The following DNAH14 variants were observed in gnomAD, a reference collection of about 807,000 sequenced individuals.
The protein encoded by DNAH14 is axonemal beta dynein heavy chain 14.
A neutral mutation model predicts 520.9 loss-of-function variants in DNAH14; 478 were observed. The ratio of observed to expected loss-of-function variants is 0.92; its 90% CI spans 0.85 to 0.99. The LOEUF (loss-of-function observed/expected upper bound fraction) is 0.99. Among genes scored for constraint, DNAH14 ranks in the 50% least tolerant of loss-of-function variants. DNAH14 has a pLI of 0.00. For synonymous variants in DNAH14, 1,581 were observed against 1,757.2 expected (o/e 0.90, Z 2.51); for missense variants, 4,831 against 5,234.5 (o/e 0.92, Z 2.38).
chr1:225,042,897 A>G lies in DNAH14; in HGVS notation c.1551A>G (p.Val517=), dbSNP rs1371348572. Residue 517 remains valine, a synonymous_variant, in exon 13 of 86, where the codon GTA becomes GTG. Coordinates refer to ENST00000682510, the MANE Select transcript of DNAH14 (RefSeq NM_001367479.1). ...LRKTYAPIFE[V]NLCLRIPAES... The stretch of plus-strand genomic sequence containing the variant: ...AAACATATGCACCAATATTTGAAGT[A>G]AATCTATGCTTGAGAATTCCTGCTG... 2 of 1,551,576 alleles carry G rather than the reference A, an allele frequency of 1.3e-6. No homozygotes were observed. The highest frequency in any genetic ancestry group is 1.7e-6 in the Non-Finnish European group (2 of 1,146,990).
rs938455407 is a variant in DNAH14, at chr1:225,038,921, C to A, written c.1488+98C>A. 5.4e-6 allele frequency: 6 copies of A among 1,101,614 alleles called. No homozygotes were observed. The African/African-American group carries it at 9.8e-5, about 18-fold the overall frequency. The allele number at this position is 1,101,614 out of a possible 1,614,324, so 68.2% of individuals were successfully genotyped here. ...TGATTTATGATTAATACCCACAAGC[C>A]CTTACCCAACATACCCTCGCCAACA... On this transcript the variant is annotated intron_variant, in intron 12 of 85. Coordinates refer to ENST00000682510, the MANE Select transcript of DNAH14 (RefSeq NM_001367479.1).
At chr1:225,305,912 A>T (rs1304479447) in intron 58 of DNAH14, among the ~76,000 whole-genome samples, 1 of 152,232 alleles carries the variant, frequency 6.6e-6, no homozygotes, top group Admixed American at 6.5e-5. Flanking sequence ...GGAACACTGC[A>T]TGAGAGTGAT....
At chr1:224,955,149 G>A in intron 3 of DNAH14, 51 bp downstream of exon 3, 1 of 1,562,490 alleles carries the variant, frequency 6.4e-7, no homozygotes, top group East Asian at 2.3e-5. Context: ...TTTAGTTTAT[G>A]GAAATTGAAA....
chr1:225,147,333 C>A, intron 31 of DNAH14, 84 bp downstream of exon 31: 1 of 1,349,144 alleles, frequency 7.4e-7, no homozygotes, highest in South Asian at 2.0e-5. Context: ...AATATTTTCC[C>A]CAATAAGTGT....
rs2095483829 is a variant in DNAH14, at chr1:225,360,762, G to A, written c.11858G>A (p.Gly3953Asp). ...TTHHVTIISL[G>D]RDQAAKAEDL... ...CATCATGTGACCATAATTTCTCTGG[G>A]CCGTGACCAAGCAGCTAAAGCTGAA... is the stretch of plus-strand genomic sequence containing the variant. The change falls in exon 75 of 86, where the codon GGC becomes GAC. Residue 3953 changes from glycine to aspartate, a missense_variant. Coordinates refer to ENST00000682510, the MANE Select transcript of DNAH14 (RefSeq NM_001367479.1). 1.3e-6 allele frequency: 2 copies of A among 1,551,560 alleles called. No homozygotes were observed. Among genetic ancestry groups the A allele is most frequent in the Non-Finnish European group, 1.7e-6 (2 of 1,146,988 alleles).
At chr1:225,039,749 G>A (rs1157721121) in intron 12 of DNAH14, among the ~76,000 whole-genome samples, 1 of 148,846 alleles carries the variant, frequency 6.7e-6, no homozygotes, top group Admixed American at 6.7e-5. Context: ...GTAGTGGCGG[G>A]CGCCTGTAGT....
In DNAH14 at chr1:225,335,368, CAT is replaced by C. The variant is rs1491380487; in HGVS notation, c.10080+1863_10080+1864del. ...GTGTGTATATGCATATACACGTGTA[CAT>C]GTGTGTGTATATGCACATATACACA... On this transcript the variant is annotated intron_variant, in intron 66 of 85. Transcript: ENST00000682510. Among the ~76,000 whole-genome samples, 58 of 51,708 alleles carry C rather than the reference CAT, an allele frequency of 1.1e-3. 16 individuals are homozygous for C. Among genetic ancestry groups the C allele is most frequent in the African/African-American group, 3.8e-3 (35 of 9,248 alleles). 33.9% of individuals were successfully genotyped at this position (51,708 alleles called of 152,430 possible).
intron 60 of DNAH14, among the ~76,000 whole-genome samples, chr1:225,313,806 CTGTT>C (rs1284126129): frequency 2.0e-5 from 3 of 152,128 alleles, no homozygotes; most frequent in Admixed American, 2.0e-4. Context: ...GTCTGAGAGA[CTGTT>C]TGTTATGATT....
intron 26 of DNAH14, among the ~76,000 whole-genome samples, chr1:225,120,773 AC>A (rs1376161286): frequency 6.6e-6 from 1 of 152,178 alleles, no homozygotes; most frequent in Non-Finnish European, 1.5e-5. Flanking sequence ...TAGGCAAGAA[AC>A]CCTGAAAAAA....
intron 61 of DNAH14, among the ~76,000 whole-genome samples, chr1:225,322,236 C>T (rs965887649): frequency 1.3e-5 from 2 of 151,574 alleles, no homozygotes; most frequent in Non-Finnish European, 1.5e-5. Flanking sequence ...ACTACAGGCA[C>T]CCGCCACCAT....
intron 73 of DNAH14, among the ~76,000 whole-genome samples, chr1:225,355,448 T>C (rs2095419184): frequency 6.6e-6 from 1 of 152,040 alleles, no homozygotes; most frequent in Non-Finnish European, 1.5e-5. Flanking sequence ...AATCTCACTA[T>C]GTTGCCCAGG....
intron 1 of DNAH14, among the ~76,000 whole-genome samples, chr1:224,947,030 G>T (rs1283640081): frequency 3.3e-5 from 5 of 149,654 alleles, no homozygotes; most frequent in African/African-American, 1.2e-4. Flanking sequence ...TGATTCTCCT[G>T]CCTCAGCCTC....
chr1:225,361,971 T>C (rs1261437126), intron 75 of DNAH14, among the ~76,000 whole-genome samples: 2 of 152,262 alleles, frequency 1.3e-5, no homozygotes, highest in African/African-American at 4.8e-5. Context: ...CTTTAATAGA[T>C]ATAAACTTTC....
At chr1:225,215,950 A>T (rs372994085) in intron 41 of DNAH14, among the ~76,000 whole-genome samples, 1 of 152,024 alleles carries the variant, frequency 6.6e-6, no homozygotes, top group African/African-American at 2.4e-5. Context: ...GATGTTAGCT[A>T]GTTATTTTGC....
intron 25 of DNAH14, among the ~76,000 whole-genome samples, chr1:225,118,632 C>T (rs956770722): frequency 3.3e-5 from 5 of 152,188 alleles, no homozygotes; most frequent in Middle Eastern, 3.4e-3. Flanking sequence ...CCTGTAATCC[C>T]GACACTTTGG....
At chr1:225,234,592 G>A (rs2091425946) in intron 42 of DNAH14, among the ~76,000 whole-genome samples, 1 of 152,136 alleles carries the variant, frequency 6.6e-6, no homozygotes, top group South Asian at 2.1e-4. Context: ...AATGTCGATG[G>A]TAGTTTAATA....
intron 77 of DNAH14, among the ~76,000 whole-genome samples, chr1:225,369,106 A>C (rs1456176861): frequency 6.6e-6 from 1 of 152,154 alleles, no homozygotes; most frequent in Non-Finnish European, 1.5e-5. Context: ...AGTCACCTTT[A>C]ATAGAAACAG....
At chr1:225,036,685 A>C (rs907275563) in intron 11 of DNAH14, among the ~76,000 whole-genome samples, 1 of 152,156 alleles carries the variant, frequency 6.6e-6, no homozygotes, top group African/African-American at 2.4e-5. Context: ...GAAGTTTGGC[A>C]GTTACCCAAG....
At chr1:225,139,994 C>T (rs890819403) in intron 27 of DNAH14, among the ~76,000 whole-genome samples, 3 of 152,222 alleles carry the variant, frequency 2.0e-5, no homozygotes, top group Admixed American at 6.5e-5. Context: ...GTTGATATAA[C>T]AAGTTTCTCA....
Sources: allele counts gnomAD v4.1 joint callset (sites outside exome capture counted in the v4.1 genomes callset), GRCh38; gene constraint gnomAD v4.1.1; transcripts MANE v1.5; gene names NCBI Gene and HGNC (gene_info 2026-07-23, HGNC 2026-07-21).